IRAG2: variants seen among roughly 807,000 people sequenced by gnomAD.
IRAG2 encodes lymphoid restricted membrane protein.
IRAG2 carries 45 observed loss-of-function variants against 69.9 expected under a neutral mutation model. The ratio of observed to expected loss-of-function variants is 0.64; its 90% CI spans 0.51 to 0.83. The LOEUF (loss-of-function observed/expected upper bound fraction) is 0.83. IRAG2 is among the 40% of genes least tolerant of loss of function. The pLI is 0.00. For synonymous variants in IRAG2, 193 were observed against 202.4 expected, an observed-to-expected ratio of 0.95 and a Z score of 0.40; for missense variants, 520 against 587.0, an observed-to-expected ratio of 0.89 and a Z score of 1.18.
chr12:25,027,589 T>A (rs928368060), intron 9 of IRAG2, among the ~76,000 whole-genome samples: 2 of 151,920 alleles, frequency 1.3e-5, no homozygotes, highest in Non-Finnish European at 2.9e-5. Flanking sequence ...AGAGACCGGG[T>A]TTCACCATGT....
At chr12:25,053,659 C>T (rs1945014809) in intron 1 of IRAG2, among the ~76,000 whole-genome samples, 1 of 151,940 alleles carries the variant, frequency 6.6e-6, no homozygotes, top group Non-Finnish European at 1.5e-5. Flanking sequence ...ATAAACCTTA[C>T]TTATTTAGCC....
At chr12:25,087,345 T>C (rs1947694840) in intron 10 of IRAG2, among the ~76,000 whole-genome samples, 1 of 151,864 alleles carries the variant, frequency 6.6e-6, no homozygotes, top group African/African-American at 2.4e-5. Flanking sequence ...TTTTTGTATT[T>C]TTAGTAGAGA....
At chr12:25,031,280 C>T (rs1057060863) in intron 10 of IRAG2, among the ~76,000 whole-genome samples, 2 of 152,180 alleles carry the variant, frequency 1.3e-5, no homozygotes, top group African/African-American at 4.8e-5. Context: ...CAGTTCCTCC[C>T]TAACTCTGGT....
chr12:25,004,949 A>G lies in IRAG2; in HGVS notation c.574+34A>G, dbSNP rs75940195. On this transcript the variant is annotated intron_variant, in intron 1 of 38. Transcript: ENST00000636465. ...TCATCTTTTAATGTTTGTCCTTCCA[A>G]TAGAGCAATAAACATATCTACTTTT... 17,202 of 1,178,596 alleles carry G rather than the reference A, an allele frequency of 0.015. 858 individuals are homozygous for G. The East Asian group carries it at 0.19, about 13-fold the overall frequency. 73.0% of individuals were successfully genotyped at this position (1,178,596 alleles called of 1,614,324 possible).
intron 2 of IRAG2, among the ~76,000 whole-genome samples, chr12:25,005,610 C>T (rs1944425016): frequency 6.6e-6 from 1 of 152,172 alleles, no homozygotes; most frequent in Non-Finnish European, 1.5e-5. Context: ...TATCAGCTGA[C>T]TTACCATCTT....
the IRAG2 span, among the ~76,000 whole-genome samples, chr12:24,997,951 G>C: frequency 4.6e-5 from 7 of 152,304 alleles, no homozygotes; most frequent in South Asian, 1.5e-3. Context: ...TTTCAATGGA[G>C]CTTTTGGAAA....
intron 5 of IRAG2, among the ~76,000 whole-genome samples, 153 bp downstream of exon 5, chr12:25,066,665 C>CTTT (rs781555051): frequency 2.1e-5 from 3 of 142,082 alleles, no homozygotes; most frequent in African/African-American, 2.6e-5. Flanking sequence ...TTCTTTCTTT[C>CTTT]TTTTTTTTTT....
At chr12:25,017,520 C>T (rs1565527068) in intron 6 of IRAG2, among the ~76,000 whole-genome samples, 2 of 151,994 alleles carry the variant, frequency 1.3e-5, no homozygotes, top group Non-Finnish European at 2.9e-5. Context: ...AAGTTTGAGA[C>T]CAGCCTGGCC....
chr12:25,067,490 C>T (rs532208774), intron 5 of IRAG2, among the ~76,000 whole-genome samples: 1 of 152,266 alleles, frequency 6.6e-6, no homozygotes, highest in African/African-American at 2.4e-5. Context: ...GCTTGAGATG[C>T]CCCTTGCAGG....
chr12:25,045,488 A>AAACCTTTAG (rs1944785991), intron 16 of IRAG2, among the ~76,000 whole-genome samples: 1 of 152,038 alleles, frequency 6.6e-6, no homozygotes, highest in Admixed American at 6.6e-5. Context: ...CAAGACAAAC[A>AAACCTTTAG]AACCTTTAGC....
At chr12:25,107,789 C>A in intron 21 of IRAG2, 28 bp from the exon 22 acceptor site, 1 of 1,596,316 alleles carries the variant, frequency 6.3e-7, no homozygotes, top group South Asian at 1.1e-5. Flanking sequence ...TTACCGATTA[C>A]CAAATTCTAT....
At chr12:25,040,699 T>C (rs1244744062) in intron 16 of IRAG2, among the ~76,000 whole-genome samples, 2 of 152,192 alleles carry the variant, frequency 1.3e-5, no homozygotes, top group Middle Eastern at 3.4e-3. Flanking sequence ...TGCTGAAGAA[T>C]GGAAATAATT....
intron 5 of IRAG2, among the ~76,000 whole-genome samples, chr12:25,068,698 G>A (rs1238279973): frequency 2.6e-5 from 4 of 152,034 alleles, no homozygotes; most frequent in East Asian, 1.9e-4. Context: ...GGAGCTTCGC[G>A]TCAAACACTC....
chr12:25,066,865 G>C (rs1946016502), intron 5 of IRAG2, among the ~76,000 whole-genome samples: 1 of 151,890 alleles, frequency 6.6e-6, no homozygotes, highest in African/African-American at 2.4e-5. Context: ...GGCCAGGCTG[G>C]TCTCGAACTC....
chr12:25,006,969 A>G (rs779911322), intron 2 of IRAG2, among the ~76,000 whole-genome samples: 5 of 152,214 alleles, frequency 3.3e-5, no homozygotes, highest in Non-Finnish European at 7.3e-5. Context: ...AGGAAAAAAA[A>G]TTGGTAATCC....
intron 11 of IRAG2, chr12:25,032,286 ATGT>A (rs1261283771): frequency 2.5e-6 from 1 of 399,036 alleles, no homozygotes; most frequent in Non-Finnish European, 4.4e-6. Context: ...GTACAGCCTA[ATGT>A]TGTGTGCGAT....
chr12:25,010,578 TAA>T (rs1282958385), intron 2 of IRAG2, among the ~76,000 whole-genome samples: 1 of 152,242 alleles, frequency 6.6e-6, no homozygotes, highest in Non-Finnish European at 1.5e-5. Flanking sequence ...TAAATAATGT[TAA>T]AGTTATTAAA....
intron 3 of IRAG2, among the ~76,000 whole-genome samples, chr12:25,014,697 A>T (rs1051478773): frequency 6.6e-6 from 1 of 152,100 alleles, no homozygotes; most frequent in African/African-American, 2.4e-5. Flanking sequence ...TCCATGAGAA[A>T]GGGAAAATGT....
upstream of IRAG2, among the ~76,000 whole-genome samples, chr12:25,048,400 G>A (rs572179049): frequency 3.3e-5 from 5 of 151,978 alleles, no homozygotes; most frequent in African/African-American, 7.3e-5. Context: ...AGGTTCAAGC[G>A]ATTCCTCTGC....
Sources: allele counts gnomAD v4.1 joint callset (sites outside exome capture counted in the v4.1 genomes callset), GRCh38; gene constraint gnomAD v4.1.1; transcripts MANE v1.5; gene names NCBI Gene and HGNC (gene_info 2026-07-23, HGNC 2026-07-21).